PCDHA1: variants seen among roughly 807,000 people sequenced by gnomAD.
PCDHA1 encodes protocadherin alpha-1.
Under a neutral mutation model 61.3 loss-of-function variants are expected in PCDHA1, and 42 were observed. That is an observed-to-expected ratio of 0.69 (90% CI 0.54 to 0.89). The LOEUF (loss-of-function observed/expected upper bound fraction) is 0.89, where lower values mean the gene tolerates loss of function less well. Among genes scored for constraint, PCDHA1 ranks in the 40% least tolerant of loss-of-function variants. The probability of loss-of-function intolerance (pLI) is 0.00; values close to 1 mark genes in which losing one functional copy is unlikely to be tolerated. For synonymous variants in PCDHA1, 610 were observed against 553.8 expected (o/e 1.10, Z -1.43); for missense variants, 1,256 against 1,235.3 (o/e 1.02, Z -0.25).
chr5:140,848,734 A>G lies in PCDHA1; in HGVS notation c.2394+60050A>G, dbSNP rs199690069. The G allele has an allele frequency of 6.3e-7, 1 of 1,592,886 alleles. No homozygotes were observed. Among genetic ancestry groups the G allele is most frequent in the Non-Finnish European group, 8.6e-7 (1 of 1,163,642 alleles). The stretch of plus-strand genomic sequence containing the variant: ...GGGGACCTTCTGGAGGTAAATCTGC[A>G]GAATGGCATTTTGTTTGTGAATTCT... On this transcript the variant is annotated intron_variant, in intron 1 of 3. Transcript: ENST00000504120.
intron 1 of PCDHA1, chr5:140,877,927 A>G: frequency 7.1e-7 from 1 of 1,416,192 alleles, no homozygotes; most frequent in South Asian, 1.6e-5. Flanking sequence ...TTTCTTTATG[A>G]TTCTATCCTT....
chr5:140,982,633 A>G (rs2096992474), intron 3 of PCDHA1, 70 bp downstream of exon 3: 1 of 1,557,590 alleles, frequency 6.4e-7, no homozygotes, highest in Non-Finnish European at 8.7e-7. Flanking sequence ...CTTTTGTAAG[A>G]TCAGGAATGT....
intron 1 of PCDHA1, chr5:140,822,056 T>A (rs2150113263): frequency 1.9e-6 from 3 of 1,614,216 alleles, no homozygotes; most frequent in African/African-American, 1.3e-5. Context: ...CGGGAGGAGC[T>A]GTGCCGGCGG....
intron 1 of PCDHA1, chr5:140,810,406 A>T (rs915741328): frequency 5.9e-5 from 9 of 152,166 alleles, no homozygotes; most frequent in African/African-American, 2.2e-4. Context: ...TGTAGCTAAC[A>T]CCAACCAATT....
intron 1 of PCDHA1, chr5:140,803,475 TC>T: frequency 1.2e-6 from 2 of 1,614,154 alleles, no homozygotes; most frequent in Non-Finnish European, 1.7e-6. Flanking sequence ...GAGGGTGTGC[TC>T]TGGAGAGGGG....
At chr5:140,985,519 C>G (rs945399310) in intron 3 of PCDHA1, among the ~76,000 whole-genome samples, 7 of 152,120 alleles carry the variant, frequency 4.6e-5, no homozygotes, top group African/African-American at 1.7e-4. Flanking sequence ...TTCTGTTGCC[C>G]TTAAAGCTTC....
rs114972611 is a variant in PCDHA1, at chr5:140,834,172, G to T, written c.2394+45488G>T. The T allele has an allele frequency of 2.1e-3, 1,163 of 551,264 alleles. 13 individuals carry two copies. Among genetic ancestry groups the T allele is most frequent in the African/African-American group, 0.016 (867 of 53,444 alleles). The allele number at this position is 551,264 out of a possible 1,614,324, so 34.1% of individuals were successfully genotyped here. ...AATGGTTTGTAATTCTTACTTACAT[G>T]ATGGCCACATGATGTCGCTCTTTAC... On this transcript the variant is annotated intron_variant, in intron 1 of 3. Transcript: ENST00000504120.
At chr5:140,800,969 C>T (rs1218404049) in intron 1 of PCDHA1, 1 of 1,230,710 alleles carries the variant, frequency 8.1e-7, no homozygotes, top group Non-Finnish European at 1.0e-6. Context: ...AAAGAAGATA[C>T]GTTTACATAT....
At chr5:140,883,615 C>T (rs1554178913) in intron 1 of PCDHA1, 6 of 1,613,938 alleles carry the variant, frequency 3.7e-6, no homozygotes, top group African/African-American at 1.3e-5. Context: ...CCGACGTGAA[C>T]GACAACGCGC....
chr5:140,882,143 C>A, intron 1 of PCDHA1: 2 of 1,494,048 alleles, frequency 1.3e-6, no homozygotes, highest in Admixed American at 2.3e-5. Context: ...GAAAATATAG[C>A]AGAAAGCGGA....
chr5:140,829,978 C>A (rs2150179032), intron 1 of PCDHA1: 17 of 1,613,848 alleles, frequency 1.1e-5, no homozygotes, highest in African/African-American at 4.0e-5. Flanking sequence ...TGTACACGGG[C>A]GAGATCAGCA....
chr5:140,854,117 G>T, intron 1 of PCDHA1: 1 of 316,936 alleles, frequency 3.2e-6, no homozygotes, highest in Non-Finnish European at 4.3e-6. Flanking sequence ...AACTGTGATG[G>T]CACAACTGCA....
intron 1 of PCDHA1, among the ~76,000 whole-genome samples, chr5:140,899,881 C>G (rs1334700648): frequency 6.6e-6 from 1 of 152,146 alleles, no homozygotes; most frequent in Non-Finnish European, 1.5e-5. Context: ...TAACAGAACT[C>G]AGTGCAGCCT....
chr5:140,837,300 A>C (rs78200905), intron 1 of PCDHA1: 1 of 151,976 alleles, frequency 6.6e-6, no homozygotes, highest in Non-Finnish European at 1.5e-5. Flanking sequence ...CTTTGTTGAG[A>C]TGTATTTGCC....
At chr5:140,946,345 G>A (rs1292610586) in intron 1 of PCDHA1, among the ~76,000 whole-genome samples, 1 of 151,836 alleles carries the variant, frequency 6.6e-6, no homozygotes, top group Non-Finnish European at 1.5e-5. Flanking sequence ...GTGATGGAGA[G>A]GATGTGGAGA....
intron 1 of PCDHA1, among the ~76,000 whole-genome samples, chr5:140,924,889 T>C (rs1554202242): frequency 8.9e-6 from 1 of 112,122 alleles, no homozygotes; most frequent in Non-Finnish European, 1.8e-5. Flanking sequence ...AGCAAGAACC[T>C]GTCTCAAAAA....
intron 1 of PCDHA1, chr5:140,856,802 GA>G (rs782128453): frequency 1.3e-6 from 2 of 1,595,592 alleles, no homozygotes; most frequent in East Asian, 4.5e-5. Context: ...TAAGATGTAT[GA>G]AAATCAAGTG....
intron 1 of PCDHA1, among the ~76,000 whole-genome samples, chr5:140,904,934 G>A (rs1181903303): frequency 6.6e-6 from 1 of 152,110 alleles, no homozygotes; most frequent in Non-Finnish European, 1.5e-5. Context: ...GTAGGTTCTG[G>A]ATATTAGTCC....
At position 140,803,473 on chromosome 5, in the gene PCDHA1, G is replaced by A. The variant is rs2240694; in HGVS notation, c.2394+14789G>A. On this transcript the variant is annotated intron_variant, in intron 1 of 3. Coordinates refer to ENST00000504120, the MANE Select transcript of PCDHA1 (RefSeq NM_018900.4). ...TCGCAGCAGAGGCAGCAGAGGGTGT[G>A]CTCTGGAGAGGGGTTGCCCAAGACC... 0.53 allele frequency: 850,357 copies of A among 1,613,902 alleles called. 224,676 individuals carry two copies. Among genetic ancestry groups the A allele is most frequent in the Middle Eastern group, 0.58 (3,527 of 6,060 alleles).
Sources: allele counts gnomAD v4.1 joint callset (sites outside exome capture counted in the v4.1 genomes callset), GRCh38; gene constraint gnomAD v4.1.1; transcripts MANE v1.5; gene names NCBI Gene and HGNC (gene_info 2026-07-23, HGNC 2026-07-21).